The following KCNQ5 variants were observed in gnomAD, a reference collection of about 807,000 sequenced individuals.
KCNQ5 encodes the protein potassium voltage-gated channel subfamily KQT member 5.
KCNQ5 carries 30 observed loss-of-function variants against 98.2 expected under a neutral mutation model. The ratio of observed to expected loss-of-function variants is 0.31; its 90% CI spans 0.23 to 0.41. The LOEUF (loss-of-function observed/expected upper bound fraction) is 0.41, where lower values mean the gene tolerates loss of function less well. KCNQ5 is among the 10% of genes least tolerant of loss of function. KCNQ5 has a pLI of 1.00. For missense variants in KCNQ5, 835 were observed against 1,182.5 expected, an observed-to-expected ratio of 0.71 and a Z score of 4.31; for synonymous variants, 458 against 449.4, an observed-to-expected ratio of 1.02 and a Z score of -0.24.
At chr6:72,729,818 T>C (rs1277445435) in intron 1 of KCNQ5, among the ~76,000 whole-genome samples, 1 of 152,208 alleles carries the variant, frequency 6.6e-6, no homozygotes, top group African/African-American at 2.4e-5. Context: ...AAATTTACTT[T>C]CTTATACTGG....
chr6:73,090,709 A>G (rs1043025099), intron 5 of KCNQ5, among the ~76,000 whole-genome samples: 1 of 152,186 alleles, frequency 6.6e-6, no homozygotes, highest in African/African-American at 2.4e-5. Context: ...CAGCCAACAA[A>G]ATTATGAAAA....
chr6:72,867,484 T>TG (rs1372064787), intron 1 of KCNQ5, among the ~76,000 whole-genome samples: 2 of 152,138 alleles, frequency 1.3e-5, no homozygotes, highest in Non-Finnish European at 2.9e-5. Context: ...AGGGCATACT[T>TG]GAAGAAAAAT....
In KCNQ5 at chr6:72,777,530, G is replaced by A. The variant is rs76927634; in HGVS notation, c.398+154943G>A. The stretch of plus-strand genomic sequence containing the variant: ...GAAGCACACATTAGCCCCGAGCTAC[G>A]TTTACACATTTTTCCACCTCCACCC... On this transcript the variant is annotated intron_variant, in intron 1 of 13. Transcript: ENST00000370398. Among the ~76,000 whole-genome samples the A allele has an allele frequency of 8.7e-3, 1,329 of 152,190 alleles. 12 individuals carry two copies. Among genetic ancestry groups the A allele is most frequent in the African/African-American group, 0.025 (1,018 of 41,502 alleles).
intron 1 of KCNQ5, among the ~76,000 whole-genome samples, chr6:72,653,848 CAGAT>C (rs1486425128): frequency 1.3e-5 from 2 of 151,904 alleles, no homozygotes; most frequent in South Asian, 2.1e-4. Flanking sequence ...ATTTGGATAT[CAGAT>C]AGTTTCATAT....
intron 10 of KCNQ5, among the ~76,000 whole-genome samples, chr6:73,146,177 G>T (rs7744354): frequency 0.2 from 29,791 of 152,142 alleles, 8,200 homozygotes; most frequent in African/African-American, 0.61. Flanking sequence ...AAACATGGCT[G>T]CCTTGATTGC....
At chr6:72,844,165 T>TA (rs1001561070) in intron 1 of KCNQ5, among the ~76,000 whole-genome samples, 2 of 151,942 alleles carry the variant, frequency 1.3e-5, no homozygotes, top group Non-Finnish European at 2.9e-5. Flanking sequence ...AGTATAATAA[T>TA]AAAAAAAATT....
At chr6:73,023,773 C>T (rs1043464438) in intron 2 of KCNQ5, among the ~76,000 whole-genome samples, 1 of 152,092 alleles carries the variant, frequency 6.6e-6, no homozygotes, top group Admixed American at 6.6e-5. Flanking sequence ...TTGGGGATGG[C>T]GTCTTCTTCC....
chr6:72,934,317 GATA>G (rs1562077268), intron 1 of KCNQ5, among the ~76,000 whole-genome samples: 1 of 152,138 alleles, frequency 6.6e-6, no homozygotes, highest in Admixed American at 6.5e-5. Flanking sequence ...TGACAACAAT[GATA>G]ATGATAAAAA....
intron 1 of KCNQ5, among the ~76,000 whole-genome samples, chr6:72,805,032 G>A (rs1447103924): frequency 6.6e-6 from 1 of 152,000 alleles, no homozygotes; most frequent in Non-Finnish European, 1.5e-5. Flanking sequence ...TTTCTGTAGA[G>A]TTGTCTGAGC....
At chr6:72,986,265 C>T (rs568055465) in intron 1 of KCNQ5, 49 of 234,700 alleles carry the variant, frequency 2.1e-4, no homozygotes, top group Admixed American at 3.4e-4. Context: ...ATATACACCA[C>T]GGAATACTAC....
chr6:72,969,431 T>C (rs1005004636), intron 1 of KCNQ5, among the ~76,000 whole-genome samples: 1 of 152,158 alleles, frequency 6.6e-6, no homozygotes, highest in Non-Finnish European at 1.5e-5. Flanking sequence ...ATAATGGCAA[T>C]TTCATATGGT....
chr6:72,810,898 A>T (rs1475604583), intron 1 of KCNQ5, among the ~76,000 whole-genome samples: 1 of 152,252 alleles, frequency 6.6e-6, no homozygotes, highest in Admixed American at 6.5e-5. Context: ...TTTCTAAAAC[A>T]GCATGGTAAC....
chr6:72,841,584 A>G (rs1015364361), intron 1 of KCNQ5, among the ~76,000 whole-genome samples: 4 of 152,208 alleles, frequency 2.6e-5, no homozygotes, highest in African/African-American at 9.6e-5. Context: ...ACGAACTGTT[A>G]AAGAGTATAG....
chr6:72,866,937 T>C (rs1778011697), intron 1 of KCNQ5, among the ~76,000 whole-genome samples: 1 of 152,220 alleles, frequency 6.6e-6, no homozygotes, highest in South Asian at 2.1e-4. Context: ...GCTCAAATTA[T>C]TTGCTGGCAA....
chr6:72,662,224 A>G (rs776840556), intron 1 of KCNQ5, among the ~76,000 whole-genome samples: 1 of 152,174 alleles, frequency 6.6e-6, no homozygotes, highest in African/African-American at 2.4e-5. Flanking sequence ...TTGCCATGTA[A>G]GCACATTTAC....
intron 5 of KCNQ5, among the ~76,000 whole-genome samples, chr6:73,100,961 C>T (rs536078395): frequency 2.6e-5 from 4 of 152,134 alleles, no homozygotes; most frequent in East Asian, 1.9e-4. Context: ...CCTGAACAGA[C>T]CAATAACAAG....
At chr6:72,930,539 T>C (rs1369534960) in intron 1 of KCNQ5, among the ~76,000 whole-genome samples, 2 of 134,736 alleles carry the variant, frequency 1.5e-5, no homozygotes, top group Non-Finnish European at 3.0e-5. Context: ...ATTAACATGA[T>C]GAAGTTAATC....
intron 1 of KCNQ5, among the ~76,000 whole-genome samples, chr6:73,001,721 A>G (rs1286792266): frequency 6.6e-6 from 1 of 152,124 alleles, no homozygotes; most frequent in Admixed American, 6.6e-5. Context: ...CCTGTATTTT[A>G]CTTTCTCATT....
At chr6:72,922,010 C>A (rs1780421638) in intron 1 of KCNQ5, among the ~76,000 whole-genome samples, 1 of 152,152 alleles carries the variant, frequency 6.6e-6, no homozygotes, top group Admixed American at 6.6e-5. Context: ...TGGGAGAGAA[C>A]AGAGCCAAGA....
Sources: allele counts gnomAD v4.1 joint callset (sites outside exome capture counted in the v4.1 genomes callset), GRCh38; gene constraint gnomAD v4.1.1; transcripts MANE v1.5; gene names NCBI Gene and HGNC (gene_info 2026-07-23, HGNC 2026-07-21).